The following TAS2R31 variants were observed in gnomAD, a reference collection of about 807,000 sequenced individuals.
TAS2R31 encodes taste 2 receptor member 31.
For missense variants in TAS2R31, 352 were observed against 347.4 expected, an observed-to-expected ratio of 1.01 and a Z score of -0.10; for synonymous variants, 118 against 131.4, an observed-to-expected ratio of 0.90 and a Z score of 0.70.
chr12:11,031,385 G>A lies in TAS2R31; in HGVS notation c.-50C>T, dbSNP rs1173764875. On this transcript the variant is annotated 5_prime_UTR_variant, in exon 1 of 1. Coordinates refer to ENST00000390675, the MANE Select transcript of TAS2R31 (RefSeq NM_176885.2). The stretch of plus-strand genomic sequence containing the variant: ...TTTTAATGCTGGTGTTGTGTCCGGA[G>A]TTGGTTCCTGCAGGTGGGTTCGTGG... 1 of 1,585,708 alleles carries A rather than the reference G, an allele frequency of 6.3e-7. No individual in the cohort carries two copies. Among genetic ancestry groups the A allele is most frequent in the Admixed American group, 1.8e-5 (1 of 55,988 alleles).
In TAS2R31 at chr12:11,030,919, A is replaced by T. The variant is rs1288077879; in HGVS notation, c.417T>A (p.Phe139Leu). 11 of 1,614,132 alleles carry T rather than the reference A, an allele frequency of 6.8e-6. No homozygotes were observed. The highest frequency in any genetic ancestry group is 8.5e-6 in the Non-Finnish European group (10 of 1,180,044). ...ILVMLLGPLL[F>L]LACQLFVINM... ...TTATCACAAAAAGTTGACAAGCCAA[A>T]AATAGTAAAGGCCCCAACAGCATCA... The change falls in exon 1 of 1, where the codon TTT becomes TTA. Residue 139 changes from phenylalanine to leucine, a missense_variant. Phe to Leu is a conservative substitution (Grantham distance 22). Transcript: ENST00000390675.
At chr12:11,030,570 C>A in the TAS2R31 span, 4 of 1,614,098 alleles carry the variant, frequency 2.5e-6, no homozygotes, top group Non-Finnish European at 3.4e-6. Context: ...GGTTTGTTTT[C>A]CAGACTCCCA....
At chr12:11,031,138 C>T in the TAS2R31 span, 2 of 1,614,228 alleles carry the variant, frequency 1.2e-6, no homozygotes, top group Non-Finnish European at 8.5e-7. Flanking sequence ...CAGTTGAATA[C>T]CAATTTAATA....
Position 11,030,589 on chromosome 12 carries a change from A to G in TAS2R31, c.747T>C (p.Val249=), listed in dbSNP as rs773697301. The G allele has an allele frequency of 8.1e-6, 13 of 1,614,254 alleles. No individual in the cohort carries two copies. In the East Asian group the frequency reaches 2.2e-4, roughly 28 times the overall value. ...TGTTTTCCAGACTCCCAAAACTCCA[A>G]ACTGATATCATTATGGACAGAAAGT... The part of the protein sequence containing the change: ...AVYFLSIMIS[V]WSFGSLENKP... The change falls in exon 1 of 1, where the codon GTT becomes GTC. Residue 249 remains valine (V), a synonymous_variant. Coordinates refer to ENST00000390675, the MANE Select transcript of TAS2R31 (RefSeq NM_176885.2).
At position 11,030,796 on chromosome 12, in the gene TAS2R31, G is replaced by C. The variant is rs1389154221; in HGVS notation, c.540C>G (p.Thr180=). 6.2e-7 allele frequency: 1 copy of C among 1,614,146 alleles called. No homozygotes were observed. Residue 180 remains threonine, a synonymous_variant, in exon 1 of 1, where the codon ACC becomes ACG. Transcript: ENST00000390675. ...SAVYLSDATV[T]TLGNLVPFTL... is the part of the protein sequence containing the mutation. ...TGAAGGGCACTAAGTTTCCTAGCGT[G>C]GTTACAGTCGCATCTGAAAGGTACA...
rs767248304 is a variant in TAS2R31 at position 11,030,681 on chromosome 12, G to C, written c.655C>G (p.Pro219Ala). ...MQLHGKGSQD[P>A]STKVHIKALQ... The stretch of plus-strand genomic sequence containing the variant: ...GCTTTTATGTGGACCTTGGTGCTGG[G>C]ATCTTGAGATCCTTTACCATGGAGC... The change falls in exon 1 of 1, where the codon CCC (proline) becomes GCC (alanine). Residue 219 changes from proline (P) to alanine (A), a missense_variant. Transcript: ENST00000390675. 1 of 1,614,064 alleles carries C rather than the reference G, an allele frequency of 6.2e-7. No individual in the cohort carries two copies. The highest frequency in any genetic ancestry group is 2.2e-5 in the East Asian group (1 of 44,898).
chr12:11,030,846 A>C lies in TAS2R31; in HGVS notation c.490T>G (p.Trp164Gly). 6.2e-7 allele frequency: 1 copy of C among 1,614,174 alleles called. No individual in the cohort carries two copies. The highest frequency in any genetic ancestry group is 1.1e-5 in the South Asian group (1 of 91,084). ...RTKEYEGNLT[W>G]KIKLRSAVYL... ...ACTGCACTCCTCAATTTGATCTTCC[A>C]AGTCAAGTTTCCTTCATATTCTTTT... The change falls in exon 1 of 1, where the codon TGG (tryptophan) becomes GGG (glycine). Residue 164 changes from tryptophan (W) to glycine (G), a missense_variant. Physicochemically the swap from Trp to Gly is radical, Grantham distance 184. Coordinates refer to ENST00000390675, the MANE Select transcript of TAS2R31 (RefSeq NM_176885.2).
chr12:11,031,226 T>C lies in TAS2R31; in HGVS notation c.110A>G (p.Lys37Arg), dbSNP rs753650700. 6.2e-7 allele frequency: 1 copy of C among 1,614,148 alleles called. No homozygotes were observed. The highest frequency in any genetic ancestry group is 1.1e-5 in the South Asian group (1 of 91,078). ...GTCAGCAAAAGAGATCTTTTGTCTC[T>C]TGACCCGCTCAATGGAATTTACCAA... ...IALVNSIERV[K>R]RQKISFADQI... Residue 37 changes from lysine to arginine, a missense_variant, in exon 1 of 1, where the codon AAG becomes AGG. Coordinates refer to ENST00000390675, the MANE Select transcript of TAS2R31 (RefSeq NM_176885.2).
rs775109812 is a variant in TAS2R31, at chr12:11,031,065, T to C, written c.271A>G (p.Thr91Ala). ...RTTAYNVWAV[T>A]GHFSNWLATS... The stretch of plus-strand genomic sequence containing the variant: ...GCAAGCCAGTTGCTGAAATGGCCGG[T>C]TACTGCCCAGACATTATAAGCAGTA... The change falls in exon 1 of 1, where the codon ACC becomes GCC. Residue 91 changes from threonine (T) to alanine (A), a missense_variant. Transcript: ENST00000390675. The C allele has an allele frequency of 1.2e-6, 2 of 1,614,306 alleles. No homozygotes were observed.
At position 11,031,357 on chromosome 12, in the gene TAS2R31, T is replaced by A; in HGVS notation, c.-22A>T. 6.4e-7 allele frequency: 1 copy of A among 1,573,786 alleles called. No individual in the cohort carries two copies. The highest frequency in any genetic ancestry group is 2.3e-5 in the East Asian group (1 of 44,194). On this transcript the variant is annotated 5_prime_UTR_variant, in exon 1 of 1. Transcript: ENST00000390675. ...TCATGTCTGAACAGACAAAAAAAAA[T>A]TGTTTTAATGCTGGTGTTGTGTCCG...
In TAS2R31 at chr12:11,030,811, T is replaced by C; in HGVS notation, c.525A>G (p.Ser175=). The C allele has an allele frequency of 2.5e-6, 4 of 1,614,202 alleles. No individual in the cohort carries two copies. Among genetic ancestry groups the C allele is most frequent in the Non-Finnish European group, 3.4e-6 (4 of 1,180,026 alleles). The change falls in exon 1 of 1, where the codon TCA becomes TCG. Residue 175 remains serine (S), a synonymous_variant. Coordinates refer to ENST00000390675, the MANE Select transcript of TAS2R31 (RefSeq NM_176885.2). ...KIKLRSAVYL[S]DATVTTLGNL... ...TTCCTAGCGTGGTTACAGTCGCATCTGAAAGGTACACTGCACTCCTCAATT... is the reference window on the plus strand; with the variant it reads ...TTCCTAGCGTGGTTACAGTCGCATCCGAAAGGTACACTGCACTCCTCAATT...
Position 11,030,400 on chromosome 12 carries a change from A to G in TAS2R31, c.*6T>C, listed in dbSNP as rs201119743. On this transcript the variant is annotated 3_prime_UTR_variant, in exon 1 of 1. Transcript: ENST00000390675. ...CTAGAAGACACACAATGCCCCTCTCATGAATCTATGGAGATGAAGGCTTCT... is the reference window on the plus strand; with the variant it reads ...CTAGAAGACACACAATGCCCCTCTCGTGAATCTATGGAGATGAAGGCTTCT... The G allele has an allele frequency of 4.6e-3, 6,949 of 1,505,352 alleles. No homozygotes were observed. Among genetic ancestry groups the G allele is most frequent in the South Asian group, 0.015 (1,132 of 76,684 alleles). 93.2% of individuals were successfully genotyped at this position (1,505,352 alleles called of 1,614,324 possible). A position where few individuals can be genotyped will look rare whatever the true frequency, so the allele number is the denominator to read the frequency against.
At position 11,030,693 on chromosome 12, in the gene TAS2R31, C is replaced by T. The variant is rs555495305; in HGVS notation, c.643G>A (p.Gly215Arg). 27 of 1,614,190 alleles carry T rather than the reference C, an allele frequency of 1.7e-5. No homozygotes were observed. Among genetic ancestry groups the T allele is most frequent in the Middle Eastern group, 1.6e-4 (1 of 6,062 alleles). ...HLKKMQLHGK[G>R]SQDPSTKVHI... Reference sequence around the variant, plus strand: ...ACCTTGGTGCTGGGATCTTGAGATCCTTTACCATGGAGCTGCATCTTCTTG... The same window carrying T: ...ACCTTGGTGCTGGGATCTTGAGATCTTTTACCATGGAGCTGCATCTTCTTG... The change falls in exon 1 of 1, where the codon GGA (glycine) becomes AGA (arginine). Residue 215 changes from glycine to arginine, a missense_variant. Coordinates refer to ENST00000390675, the MANE Select transcript of TAS2R31 (RefSeq NM_176885.2).
At position 11,030,760 on chromosome 12, in the gene TAS2R31, C is replaced by T; in HGVS notation, c.576G>A (p.Leu192=). The change falls in exon 1 of 1, where the codon CTG becomes CTA. Residue 192 remains leucine (L), a synonymous_variant. Coordinates refer to ENST00000390675, the MANE Select transcript of TAS2R31 (RefSeq NM_176885.2). The part of the protein sequence containing the change: ...LGNLVPFTLT[L]LCFLLLICSL... ...AACAGATTAACAGCAAAAAACATAGCAGGGTCAGAGTGAAGGGCACTAAGT... is the reference window on the plus strand; with the variant it reads ...AACAGATTAACAGCAAAAAACATAGTAGGGTCAGAGTGAAGGGCACTAAGT... 1 of 1,614,158 alleles carries T rather than the reference C, an allele frequency of 6.2e-7. No homozygotes were observed. The highest frequency in any genetic ancestry group is 1.1e-5 in the South Asian group (1 of 91,080).
At position 11,030,925 on chromosome 12, in the gene TAS2R31, T is replaced by G. The variant is rs75159539; in HGVS notation, c.411A>C (p.Leu137Phe). 1 of 1,396,938 alleles carries G rather than the reference T, an allele frequency of 7.2e-7. No individual in the cohort carries two copies. The highest frequency in any genetic ancestry group is 2.1e-5 in the Admixed American group (1 of 47,626). 86.5% of individuals were successfully genotyped at this position (1,396,938 alleles called of 1,614,324 possible). A position where few individuals can be genotyped will look rare whatever the true frequency, so the allele number is the denominator to read the frequency against. ...SVILVMLLGP[L>F]LFLACQLFVI... ...CAAAAAGTTGACAAGCCAAAAATAG[T>G]AAAGGCCCCAACAGCATCACCAGAA... Residue 137 changes from leucine to phenylalanine, a missense_variant, in exon 1 of 1, where the codon TTA (leucine) becomes TTC (phenylalanine). Transcript: ENST00000390675.
rs750544925 is a variant in TAS2R31 at position 11,030,836 on chromosome 12, T to C, written c.500A>G (p.Lys167Arg). 10 of 1,614,152 alleles carry C rather than the reference T, an allele frequency of 6.2e-6. No homozygotes were observed. Among genetic ancestry groups the C allele is most frequent in the Non-Finnish European group, 8.5e-6 (10 of 1,179,998 alleles). Residue 167 changes from lysine to arginine, a missense_variant, in exon 1 of 1, where the codon AAA becomes AGA. By Grantham distance (26) the Lys-to-Arg change is conservative (BLOSUM62 2). Transcript: ENST00000390675. ...TGAAAGGTACACTGCACTCCTCAAT[T>C]TGATCTTCCAAGTCAAGTTTCCTTC... ...EYEGNLTWKI[K>R]LRSAVYLSDA... is the part of the protein sequence containing the mutation.
chr12:11,030,509 G>C lies in TAS2R31; in HGVS notation c.827C>G (p.Pro276Arg), dbSNP rs12318612. ...CTTGTTTCCCCAAATCAGGATGAAT[G>C]GGTGGATTGAAGGATAGCTGAATCT... ...AIRFSYPSIH[P>R]FILIWGNKKL... The change falls in exon 1 of 1, where the codon CCA becomes CGA. Residue 276 changes from proline to arginine, a missense_variant. Pro to Arg is a moderately radical substitution (Grantham distance 103, BLOSUM62 -2). Coordinates refer to ENST00000390675, the MANE Select transcript of TAS2R31 (RefSeq NM_176885.2). 358,163 of 1,609,328 alleles carry C rather than the reference G, an allele frequency of 0.22. 26,783 individuals are homozygous for C. Among genetic ancestry groups the C allele is most frequent in the Non-Finnish European group, 0.25 (295,993 of 1,176,068 alleles).
rs370880260 is a variant in TAS2R31, at chr12:11,031,206, C to A, written c.130G>T (p.Ala44Ser). ...ERVKRQKISF[A>S]DQILTALAVS... Reference sequence around the variant, plus strand: ...GCCAGAGCAGTGAGAATCTGGTCAGCAAAAGAGATCTTTTGTCTCTTGACC... The same window carrying A: ...GCCAGAGCAGTGAGAATCTGGTCAGAAAAAGAGATCTTTTGTCTCTTGACC... The change falls in exon 1 of 1, where the codon GCT becomes TCT. Residue 44 changes from alanine (A) to serine (S), a missense_variant. Ala to Ser is a moderately conservative substitution (Grantham distance 99). Transcript: ENST00000390675. The A allele has an allele frequency of 9.3e-6, 15 of 1,614,018 alleles. No homozygotes were observed. Among genetic ancestry groups the A allele is most frequent in the Admixed American group, 1.7e-5 (1 of 60,002 alleles).
chr12:11,030,470 G>A lies in TAS2R31; in HGVS notation c.866C>T (p.Thr289Ile). 4 of 1,614,268 alleles carry A rather than the reference G, an allele frequency of 2.5e-6. No individual in the cohort carries two copies. Among genetic ancestry groups the A allele is most frequent in the Non-Finnish European group, 3.4e-6 (4 of 1,180,042 alleles). ...LIWGNKKLKQ[T>I]FLSVLRQVRY... ...CACTTGCCGCAAAACTGAAAGAAAA[G>A]TCTGCTTTAGCTTCTTGTTTCCCCA... is the stretch of plus-strand genomic sequence containing the variant. Residue 289 changes from threonine to isoleucine, a missense_variant, in exon 1 of 1, where the codon ACT (threonine) becomes ATT (isoleucine). Physicochemically the swap from Thr to Ile is moderately conservative, Grantham distance 89. Coordinates refer to ENST00000390675, the MANE Select transcript of TAS2R31 (RefSeq NM_176885.2).
Sources: gnomAD v4.1 joint callset for allele counts on GRCh38, gnomAD v4.1.1 for gene constraint, MANE v1.5 for transcripts, NCBI Gene and HGNC (gene_info 2026-07-23, HGNC 2026-07-21) for gene names.